TXNDC11: variants seen among roughly 807,000 people sequenced by gnomAD.
TXNDC11 encodes thioredoxin domain containing 11.
TXNDC11 carries 68 observed loss-of-function variants against 78.0 expected under a neutral mutation model. That is an observed-to-expected ratio of 0.87 (90% CI 0.72 to 1.07). TXNDC11 has a LOEUF of 1.07. TXNDC11 is among the 50% of genes least tolerant of loss of function. The pLI, the probability that TXNDC11 is intolerant of heterozygous loss-of-function variation, is 0.00. For synonymous variants in TXNDC11, 571 were observed against 495.2 expected (o/e 1.15, Z -2.03); for missense variants, 1,389 against 1,221.8 (o/e 1.14, Z -2.04).
Position 11,691,978 on chromosome 16 carries a change from C to CA in TXNDC11, c.1211dup (p.Ala405GlyfsTer39). Reference sequence around the variant, plus strand: ...GCAGCTGTGCCGGCACTTCCAGGGCCAGGGACTCCAGCACTGGAGCATCCA... The same window carrying CA: ...GCAGCTGTGCCGGCACTTCCAGGGCCAAGGGACTCCAGCACTGGAGCATCCA... On this transcript the variant is annotated frameshift_variant, in exon 8 of 12. Coordinates refer to ENST00000283033, the MANE Select transcript of TXNDC11 (RefSeq NM_015914.7). LOFTEE classifies it high-confidence loss of function. 1 of 1,601,600 alleles carries CA rather than the reference C, an allele frequency of 6.2e-7. No homozygotes were observed. The highest frequency in any genetic ancestry group is 8.5e-7 in the Non-Finnish European group (1 of 1,172,704).
chr16:11,681,995 A>T (rs1474162371), intron 11 of TXNDC11, among the ~76,000 whole-genome samples: 1 of 152,188 alleles, frequency 6.6e-6, no homozygotes, highest in Non-Finnish European at 1.5e-5. Context: ...CAATGTTAAC[A>T]CCTCAACATT....
chr16:11,687,600 A>T (rs1283832691), intron 10 of TXNDC11, among the ~76,000 whole-genome samples: 4 of 152,230 alleles, frequency 2.6e-5, no homozygotes, highest in Admixed American at 6.5e-5. Context: ...TGCTCTCCCC[A>T]CAGAACTGCA....
intron 5 of TXNDC11, among the ~76,000 whole-genome samples, chr16:11,704,176 T>G (rs1003024917): frequency 1.3e-5 from 2 of 152,186 alleles, no homozygotes; most frequent in Non-Finnish European, 2.9e-5. Flanking sequence ...GAAGCCCTCC[T>G]AGTAGCCAAA....
intron 5 of TXNDC11, among the ~76,000 whole-genome samples, chr16:11,714,445 C>A (rs1404735158): frequency 6.6e-6 from 1 of 152,236 alleles, no homozygotes; most frequent in East Asian, 1.9e-4. Flanking sequence ...CAAGACGATG[C>A]TGGCGAAAAC....
intron 5 of TXNDC11, among the ~76,000 whole-genome samples, chr16:11,711,153 G>A (rs574558577): frequency 5.3e-5 from 8 of 151,476 alleles, no homozygotes; most frequent in Admixed American, 4.6e-4. Context: ...CACAGGCAAA[G>A]CCAAGAGGGA....
chr16:11,725,755 A>G (rs967177485), intron 4 of TXNDC11, among the ~76,000 whole-genome samples: 5 of 152,256 alleles, frequency 3.3e-5, no homozygotes, highest in Non-Finnish European at 5.9e-5. Context: ...TAACAACTGA[A>G]GTATTTCAGG....
Position 11,721,578 on chromosome 16 carries a change from T to C in TXNDC11, c.792A>G (p.Lys264=). 7 of 1,590,078 alleles carry C rather than the reference T, an allele frequency of 4.4e-6. No homozygotes were observed. In the South Asian group the frequency reaches 5.6e-5, roughly 13 times the overall value. Residue 264 remains lysine, a splice_region_variant and synonymous_variant, in exon 5 of 12, where the codon AAA becomes AAG. Coordinates refer to ENST00000283033, the MANE Select transcript of TXNDC11 (RefSeq NM_015914.7). The stretch of plus-strand genomic sequence containing the variant: ...GTCTTAATATGAATCATTTTTTACC[T>C]TTCTTTAATGAATGTAATGCTGAGG... The part of the protein sequence containing the change: ...FFTSALHSLK[K]DYLGTVRFGV...
chr16:11,685,077 A>G (rs751924270), intron 10 of TXNDC11, among the ~76,000 whole-genome samples: 18 of 152,254 alleles, frequency 1.2e-4, no homozygotes, highest in African/African-American at 1.7e-4. Context: ...AAAATGGCAC[A>G]ACCAGGCTGA....
At chr16:11,714,526 G>C (rs571055744) in intron 5 of TXNDC11, among the ~76,000 whole-genome samples, 6 of 152,032 alleles carry the variant, frequency 3.9e-5, no homozygotes, top group Non-Finnish European at 7.4e-5. Flanking sequence ...TGTAGTCCCA[G>C]CTACTCGGGA....
At chr16:11,680,535 C>A (rs72781094) in intron 11 of TXNDC11, among the ~76,000 whole-genome samples, 2,616 of 152,300 alleles carry the variant, frequency 0.017, 43 homozygotes, top group Non-Finnish European at 0.025. Context: ...AGGTCCTGAT[C>A]TAGAGATCTA....
chr16:11,711,647 T>G (rs746751889), intron 5 of TXNDC11, among the ~76,000 whole-genome samples: 12 of 152,242 alleles, frequency 7.9e-5, no homozygotes, highest in Non-Finnish European at 1.3e-4. Context: ...GTCAGCTGAT[T>G]AGCAATCTAA....
chr16:11,730,568 C>A, intron 4 of TXNDC11, 77 bp downstream of exon 4: 1 of 1,455,964 alleles, frequency 6.9e-7, no homozygotes, highest in South Asian at 1.3e-5. Flanking sequence ...TTTTTTTAAA[C>A]CCCTTTAAAA....
intron 8 of TXNDC11, 138 bp from the exon 9 acceptor site, chr16:11,688,583 C>G: frequency 1.4e-6 from 1 of 739,406 alleles, no homozygotes; most frequent in South Asian, 2.2e-5. Context: ...TCAGCAAAAC[C>G]CCAAACAAAG....
chr16:11,707,278 G>A (rs1050545011), intron 5 of TXNDC11, among the ~76,000 whole-genome samples: 4 of 151,626 alleles, frequency 2.6e-5, no homozygotes, highest in Admixed American at 6.6e-5. Context: ...AATTAGCCAG[G>A]CTTAGTGGCA....
intron 4 of TXNDC11, among the ~76,000 whole-genome samples, chr16:11,722,811 A>T (rs2051749171): frequency 1.3e-5 from 2 of 152,362 alleles, no homozygotes; most frequent in African/African-American, 4.8e-5. Flanking sequence ...TTTGGTGGAA[A>T]TTTGATCTGT....
chr16:11,709,588 C>T, intron 5 of TXNDC11, among the ~76,000 whole-genome samples: 1 of 151,394 alleles, frequency 6.6e-6, no homozygotes, highest in Non-Finnish European at 1.5e-5. Context: ...GCGCCCGCTA[C>T]CATGCCCGGC....
At chr16:11,680,703 A>G (rs1435462854) in intron 11 of TXNDC11, among the ~76,000 whole-genome samples, 41 of 152,164 alleles carry the variant, frequency 2.7e-4, no homozygotes, top group Non-Finnish European at 8.8e-5. Context: ...TGTCTCCCTC[A>G]GGTGTTAACA....
chr16:11,691,894 C>T lies in TXNDC11; in HGVS notation c.1296G>A (p.Trp432Ter), dbSNP rs996338040. 47 of 1,614,142 alleles carry T rather than the reference C, an allele frequency of 2.9e-5. No individual in the cohort carries two copies. Among genetic ancestry groups the T allele is most frequent in the Non-Finnish European group, 3.8e-5 (45 of 1,179,944 alleles). The change falls in exon 8 of 12, where the codon TGG becomes TGA. Residue 432 changes from tryptophan (W) to a stop codon, truncating the protein, a stop_gained. Transcript: ENST00000283033. LOFTEE classifies it high-confidence loss of function. Reference protein sequence around the residue: ...PCCNTVVLPQWHSFSRTHNVC... With the variant: ...PCCNTVVLPQ The stretch of plus-strand genomic sequence containing the variant: ...CGTTGTGGGTCCTGGAGAAGGAGTG[C>T]CACTGGGGCAGCACCACAGTGTTGC...
At chr16:11,696,925 C>T (rs1462162858) in intron 7 of TXNDC11, among the ~76,000 whole-genome samples, 1 of 152,172 alleles carries the variant, frequency 6.6e-6, no homozygotes, top group Non-Finnish European at 1.5e-5. Context: ...CTCTCCAAAT[C>T]CACAACCACA....
Sources: allele counts gnomAD v4.1 joint callset (sites outside exome capture counted in the v4.1 genomes callset), GRCh38; gene constraint gnomAD v4.1.1; transcripts MANE v1.5; gene names NCBI Gene and HGNC (gene_info 2026-07-23, HGNC 2026-07-21).